The following MAN2B1 variants were observed in gnomAD, a reference collection of about 807,000 sequenced individuals.
MAN2B1 encodes the protein lysosomal alpha-mannosidase.
A neutral mutation model predicts 127.5 loss-of-function variants in MAN2B1; 99 were observed. The ratio of observed to expected loss-of-function variants is 0.78; its 90% CI spans 0.66 to 0.92. The LOEUF (loss-of-function observed/expected upper bound fraction) is 0.92, where lower values mean the gene tolerates loss of function less well. Among genes scored for constraint, MAN2B1 ranks in the 40% least tolerant of loss-of-function variants. MAN2B1 has a pLI of 0.00. For synonymous variants in MAN2B1, 573 were observed against 568.8 expected, an observed-to-expected ratio of 1.01 and a Z score of -0.11; for missense variants, 1,304 against 1,384.8, an observed-to-expected ratio of 0.94 and a Z score of 0.93.
chr19:12,650,357 CTTTTTT>C (rs35532533), intron 16 of MAN2B1, 135 bp from the exon 17 acceptor site: 109 of 493,376 alleles, frequency 2.2e-4, no homozygotes, highest in Middle Eastern at 5.9e-4. Context: ...CCACATAATT[CTTTTTT>C]TTTTTTTTTT....
chr19:12,652,514 CTTTTT>C, intron 14 of MAN2B1, 54 bp from the exon 15 acceptor site: 1 of 1,166,596 alleles, frequency 8.6e-7, no homozygotes, highest in Non-Finnish European at 1.3e-6. Flanking sequence ...TGTGTGTTTT[CTTTTT>C]TTAATTTTTC....
At position 12,647,130 on chromosome 19, in the gene MAN2B1, AC is replaced by A. The variant is rs2145219421; in HGVS notation, c.2923+102del. The A allele has an allele frequency of 8.9e-7, 1 of 1,120,718 alleles. No homozygotes were observed. Among genetic ancestry groups the A allele is most frequent in the East Asian group, 2.4e-5 (1 of 42,532 alleles). The allele number at this position is 1,120,718 out of a possible 1,614,324, so 69.4% of individuals were successfully genotyped here. A position where few individuals can be genotyped will look rare whatever the true frequency, so the allele number is the denominator to read the frequency against. On this transcript the variant is annotated intron_variant, in intron 23 of 23. Transcript: ENST00000456935. This position sits in a 1 kb window ranked among gnomAD's most constrained non-coding sequence, Gnocchi z 4.9. ...CTGGACTCTGCCCCATACCCTCATG[AC>A]CTTTTTGGGTCCTGGCCAACATCCC...
intron 12 of MAN2B1, 43 bp from the exon 13 acceptor site, chr19:12,656,730 C>G (rs1373276111): frequency 7.1e-7 from 1 of 1,417,642 alleles, no homozygotes; most frequent in East Asian, 2.3e-5. Context: ...CACAGCAGGC[C>G]TTCTCCAAAC....
rs776494571 is a variant in MAN2B1, at chr19:12,664,972, G to A, written c.450C>T (p.Phe150=). The A allele has an allele frequency of 1.4e-5, 23 of 1,613,544 alleles. No homozygotes were observed. Among genetic ancestry groups the A allele is most frequent in the East Asian group, 2.2e-5 (1 of 44,898 alleles). Residue 150 remains phenylalanine, a synonymous_variant, in exon 4 of 24, where the codon TTC becomes TTT. Coordinates refer to ENST00000456935, the MANE Select transcript of MAN2B1 (RefSeq NM_000528.4). ...CGTTCATCACCCAGCCACCATTGGC[G>A]AACTCCAGGCGCCCTGTGCCAGGAC... is the stretch of plus-strand genomic sequence containing the variant. ...RDLVRQGRLE[F]ANGGWVMNDE...
chr19:12,649,989 T>G lies in MAN2B1; in HGVS notation c.2191A>C (p.Ser731Arg). The change falls in exon 18 of 24, where the codon AGC (serine) becomes CGC (arginine). Residue 731 changes from serine to arginine, a missense_variant. Ser to Arg is a moderately radical substitution (Grantham distance 110). Transcript: ENST00000456935. ...VGDTWGKEVI[S>R]RFDTPLETKG... is the part of the protein sequence containing the mutation. Reference sequence around the variant, plus strand: ...GTCTCCAGCGGTGTGTCAAAACGGCTGATGACCTCCTTCCCCCAGGTGTCG... The same window carrying G: ...GTCTCCAGCGGTGTGTCAAAACGGCGGATGACCTCCTTCCCCCAGGTGTCG... The G allele has an allele frequency of 6.2e-7, 1 of 1,614,070 alleles. No individual in the cohort carries two copies. Among genetic ancestry groups the G allele is most frequent in the Non-Finnish European group, 8.5e-7 (1 of 1,180,018 alleles).
At chr19:12,664,738 G>C in intron 4 of MAN2B1, 54 bp downstream of exon 4, 1 of 1,560,580 alleles carries the variant, frequency 6.4e-7, no homozygotes, top group Non-Finnish European at 8.7e-7. Flanking sequence ...GACTGGGCGA[G>C]GGAGGAGCCA....
intron 10 of MAN2B1, 124 bp downstream of exon 10, chr19:12,657,939 A>T (rs2024008040): frequency 1.1e-6 from 1 of 932,512 alleles, no homozygotes; most frequent in South Asian, 1.5e-5. Context: ...TGGGAGACAA[A>T]TCGAGACTCC....
intron 7 of MAN2B1, among the ~76,000 whole-genome samples, chr19:12,660,455 G>A (rs899527197): frequency 6.6e-6 from 1 of 151,898 alleles, no homozygotes; most frequent in Non-Finnish European, 1.5e-5. Context: ...TGAGCCGAGA[G>A]CACGCCACTG....
At chr19:12,661,035 G>T in intron 7 of MAN2B1, 1 of 462,564 alleles carries the variant, frequency 2.2e-6, no homozygotes, top group Non-Finnish European at 4.1e-6. Flanking sequence ...GGGATTACAG[G>T]CATGAGCCAT....
At position 12,647,858 on chromosome 19, in the gene MAN2B1, G is replaced by A. The variant is rs537549918; in HGVS notation, c.2665-260C>T. 4.6e-5 allele frequency among the ~76,000 whole-genome samples: 7 copies of A among 152,116 alleles called. No individual in the cohort carries two copies. The highest frequency in any genetic ancestry group is 2.6e-4 in the Admixed American group (4 of 15,280). ...CCTGAGACTTTGGGAGTTACGGCGG[G>A]GCTGAAGCCGCGGGGCTGGGTGAGG... On this transcript the variant is annotated intron_variant, in intron 21 of 23. Transcript: ENST00000456935. This position sits in a 1 kb window ranked among gnomAD's most constrained non-coding sequence, Gnocchi z 4.9.
intron 14 of MAN2B1, 76 bp from the exon 15 acceptor site, chr19:12,652,536 C>CA: frequency 1.3e-6 from 1 of 779,458 alleles, no homozygotes; most frequent in Non-Finnish European, 2.1e-6. Context: ...TTTCTTTTTT[C>CA]TTTTTTTTTT....
rs34324185 is a variant in MAN2B1 at position 12,658,029 on chromosome 19, G to A, written c.1309+34C>T. On this transcript the variant is annotated intron_variant, in intron 10 of 23. Transcript: ENST00000456935. ...CTAGGGGTGGTTTCCAACTTCAGCC[G>A]CAAACCTCTTCCCCTCTTGGGCCCG... The A allele has an allele frequency of 6.1e-5, 95 of 1,547,922 alleles. No individual in the cohort carries two copies. The South Asian group carries it at 6.5e-4, about 11-fold the overall frequency.
chr19:12,649,929 C>G lies in MAN2B1; in HGVS notation c.2251G>C (p.Glu751Gln). ...GRFYTDSNGR[E>Q]ILERRRDYRP... ...ACCCCCCACCTCCTCTCCAGGATCTCCCGGCCATTGCTGTCTGTGTAGAAG... is the reference window on the plus strand; with the variant it reads ...ACCCCCCACCTCCTCTCCAGGATCTGCCGGCCATTGCTGTCTGTGTAGAAG... The change falls in exon 18 of 24, where the codon GAG (glutamate) becomes CAG (glutamine). Residue 751 changes from glutamate to glutamine, a missense_variant. Physicochemically the swap from Glu to Gln is conservative, Grantham distance 29. Coordinates refer to ENST00000456935, the MANE Select transcript of MAN2B1 (RefSeq NM_000528.4). 6.2e-7 allele frequency: 1 copy of G among 1,613,344 alleles called. No homozygotes were observed. The highest frequency in any genetic ancestry group is 8.5e-7 in the Non-Finnish European group (1 of 1,179,694).
In MAN2B1 at chr19:12,657,954, CAAAAAAAAAA is replaced by C. The variant is rs35296973; in HGVS notation, c.1309+99_1309+108del. 316 of 485,712 alleles carry C rather than the reference CAAAAAAAAAA, an allele frequency of 6.5e-4. 3 individuals carry two copies. Among genetic ancestry groups the C allele is most frequent in the Non-Finnish European group, 9.4e-4 (278 of 296,988 alleles). 30.1% of individuals were successfully genotyped at this position (485,712 alleles called of 1,614,324 possible). ...TGGGAGACAAATCGAGACTCCGTCTCAAAAAAAAAAAAAAAAAAAAAAAAAAAGAAGAAAC... is the reference window on the plus strand; with the variant it reads ...TGGGAGACAAATCGAGACTCCGTCTCAAAAAAAAAAAAAAAAAGAAGAAAC... On this transcript the variant is annotated intron_variant, in intron 10 of 23. Coordinates refer to ENST00000456935, the MANE Select transcript of MAN2B1 (RefSeq NM_000528.4).
chr19:12,647,765 G>A lies in MAN2B1; in HGVS notation c.2665-167C>T. 1.6e-6 allele frequency: 1 copy of A among 628,918 alleles called. No homozygotes were observed. Among genetic ancestry groups the A allele is most frequent in the Non-Finnish European group, 2.8e-6 (1 of 361,890 alleles). 39.0% of individuals were successfully genotyped at this position (628,918 alleles called of 1,614,324 possible). A position where few individuals can be genotyped will look rare whatever the true frequency, so the allele number is the denominator to read the frequency against. On this transcript the variant is annotated intron_variant, in intron 21 of 23. Coordinates refer to ENST00000456935, the MANE Select transcript of MAN2B1 (RefSeq NM_000528.4). This position sits in a 1 kb window ranked among gnomAD's most constrained non-coding sequence, Gnocchi z 4.9. ...GGCCAGGGCCGTGACAGGGAGGACT[G>A]AGCCAATGGGGAGATGGGTCGGTCC...
chr19:12,652,123 A>G (rs779834193), intron 16 of MAN2B1, 30 bp downstream of exon 16: 78 of 1,555,812 alleles, frequency 5.0e-5, no homozygotes, highest in Non-Finnish European at 6.5e-5. Context: ...CCCATTCCCA[A>G]CTGCCCACTC....
At position 12,655,931 on chromosome 19, in the gene MAN2B1, A is replaced by G. The variant is rs552429021; in HGVS notation, c.1645-52T>C. On this transcript the variant is annotated intron_variant, in intron 13 of 23. Transcript: ENST00000456935. ...GTCAAGAGTACCCATGGAAAGCTAT[A>G]CATGCATGGAGACAAAAAACTCAAG... 10 of 1,495,258 alleles carry G rather than the reference A, an allele frequency of 6.7e-6. No individual in the cohort carries two copies. The East Asian group carries it at 2.3e-4, about 34-fold the overall frequency. 92.6% of individuals were successfully genotyped at this position (1,495,258 alleles called of 1,614,324 possible).
Position 12,664,811 on chromosome 19 carries a change from TGCTCCC to T in MAN2B1, c.605_610del (p.Arg202_Glu203del). On this transcript the variant is annotated inframe_deletion, in exon 4 of 24. Coordinates refer to ENST00000456935, the MANE Select transcript of MAN2B1 (RefSeq NM_000528.4). Reference sequence around the variant, plus strand: ...TCGCACCTGCGCAAACAGCGAGGCCTGCTCCCGAGAGTGGCCGAAGGGGTCAATGTG... The same window carrying T: ...TCGCACCTGCGCAAACAGCGAGGCCTGAGAGTGGCCGAAGGGGTCAATGTG... 1 of 1,613,522 alleles carries T rather than the reference TGCTCCC, an allele frequency of 6.2e-7. No homozygotes were observed. The highest frequency in any genetic ancestry group is 1.3e-5 in the African/African-American group (1 of 75,058).
Position 12,655,725 on chromosome 19 carries a change from G to C in MAN2B1, c.1799C>G (p.Ser600Cys). Reference protein sequence around the residue: ...ARAPQPIPRRSWSPALTIENE... With the variant: ...ARAPQPIPRRCWSPALTIENE... ...TTCGATGGTTAAAGCAGGGGACCAG[G>C]ATCTTCTGGGGATGGGCTGTGGTGC... Residue 600 changes from serine to cysteine, a missense_variant, in exon 14 of 24, where the codon TCC (serine) becomes TGC (cysteine). Coordinates refer to ENST00000456935, the MANE Select transcript of MAN2B1 (RefSeq NM_000528.4). 6.2e-7 allele frequency: 1 copy of C among 1,609,606 alleles called. No homozygotes were observed. Among genetic ancestry groups the C allele is most frequent in the South Asian group, 1.1e-5 (1 of 90,826 alleles).
Sources: gnomAD v4.1 joint callset for allele counts (sites outside exome capture counted in the v4.1 genomes callset) on GRCh38, gnomAD v4.1.1 for gene constraint, Gnocchi (gnomAD v3.1) non-coding constraint, MANE v1.5 for transcripts, NCBI Gene and HGNC (gene_info 2026-07-23, HGNC 2026-07-21) for gene names.